Variants in CLASP1 observed in about 807,000 individuals in gnomAD.
CLASP1 encodes CLIP-associating protein 1.
CLASP1 carries 38 observed loss-of-function variants against 192.3 expected under a neutral mutation model. That is an observed-to-expected ratio of 0.20 (90% CI 0.15 to 0.26). The LOEUF (loss-of-function observed/expected upper bound fraction) is 0.26, where lower values mean the gene tolerates loss of function less well. Among genes scored for constraint, CLASP1 ranks in the 10% least tolerant of loss-of-function variants. The pLI, the probability that CLASP1 is intolerant of heterozygous loss-of-function variation, is 1.00. For synonymous variants in CLASP1, 691 were observed against 712.8 expected, an observed-to-expected ratio of 0.97 and a Z score of 0.49; for missense variants, 1,433 against 1,932.5, an observed-to-expected ratio of 0.74 and a Z score of 4.85.
intron 24 of CLASP1, among the ~76,000 whole-genome samples, chr2:121,408,412 A>G (rs973836901): frequency 6.6e-6 from 1 of 152,170 alleles, no homozygotes; most frequent in African/African-American, 2.4e-5. Context: ...AGACTATAAT[A>G]CCCACTTTAT....
intron 19 of CLASP1, among the ~76,000 whole-genome samples, chr2:121,441,134 G>A (rs1004392997): frequency 1.3e-5 from 2 of 152,132 alleles, no homozygotes; most frequent in South Asian, 2.1e-4. Context: ...CTATCTTCTT[G>A]TTAGGCAAAT....
At chr2:121,391,690 G>C (rs2149405043) in intron 30 of CLASP1, among the ~76,000 whole-genome samples, 1 of 152,284 alleles carries the variant, frequency 6.6e-6, no homozygotes, top group East Asian at 1.9e-4. Context: ...ATCAACTGAG[G>C]TCAGGAGTTT....
chr2:121,365,035 A>G, intron 36 of CLASP1, 59 bp downstream of exon 37: 1 of 1,490,868 alleles, frequency 6.7e-7, no homozygotes, highest in Non-Finnish European at 9.3e-7. Flanking sequence ...CAATAAGAAA[A>G]GGACATCGTG....
intron 2 of CLASP1, among the ~76,000 whole-genome samples, chr2:121,577,169 G>C (rs2060604290): frequency 6.6e-6 from 1 of 151,934 alleles, no homozygotes; most frequent in African/African-American, 2.4e-5. Context: ...TGTTGAAGCT[G>C]GATGATGAGT....
chr2:121,433,058 A>G (rs2081708838), intron 19 of CLASP1, among the ~76,000 whole-genome samples: 1 of 152,216 alleles, frequency 6.6e-6, no homozygotes, highest in African/African-American at 2.4e-5. Context: ...GCGGTGGCTC[A>G]TGCCTGTAAT....
rs1366955114 is a variant in CLASP1, at chr2:121,392,507, T to TGCA, written c.3124-4604_3124-4602dup. ...ATAGAGATAGGACTCTTCCTGTGGC[T>TGCA]GCAAGCAATCCTCCTGCCTCAGCCT... On this transcript the variant is annotated intron_variant, in intron 30 of 39. Transcript: ENST00000263710. Among the ~76,000 whole-genome samples the TGCA allele has an allele frequency of 2.6e-5, 4 of 152,196 alleles. No individual in the cohort carries two copies. The East Asian group carries it at 7.7e-4, about 29-fold the overall frequency.
rs201261432 is a variant in CLASP1 at position 121,510,259 on chromosome 2, GAAGT to G, written c.644+5402_644+5405del. Among the ~76,000 whole-genome samples the G allele has an allele frequency of 7.2e-3, 1,099 of 152,234 alleles. 43 individuals are homozygous for G. Among genetic ancestry groups the G allele is most frequent in the Admixed American group, 0.062 (952 of 15,296 alleles). ...GAAAACAGAAAAATCAATGAAACCA[GAAGT>G]TAGTTCTTTGAAAAGGCAAAAACTG... On this transcript the variant is annotated intron_variant, in intron 7 of 39. Coordinates refer to ENST00000263710, the Ensembl canonical transcript of CLASP1.
intron 2 of CLASP1, among the ~76,000 whole-genome samples, chr2:121,531,246 T>C (rs970722990): frequency 2.6e-5 from 4 of 152,138 alleles, no homozygotes; most frequent in African/African-American, 9.7e-5. Context: ...AGCCCAGTAG[T>C]CTAGGTCAAG....
In CLASP1 at chr2:121,384,679, G is replaced by A. The variant is rs529855352; in HGVS notation, c.3375-2355C>T. Among the ~76,000 whole-genome samples, 15 of 152,144 alleles carry A rather than the reference G, an allele frequency of 9.9e-5. No homozygotes were observed. In the East Asian group the frequency reaches 1.5e-3, roughly 16 times the overall value. On this transcript the variant is annotated intron_variant, in intron 32 of 39. Transcript: ENST00000263710. ...AGCATGTTGGGAGGCAGAGGTGGGC[G>A]GATCACCTGACATCAGGAGTTCGAG... is the stretch of plus-strand genomic sequence containing the variant.
chr2:121,387,091 A>T, intron 32 of CLASP1, 31 bp downstream of exon 33: 1 of 1,554,834 alleles, frequency 6.4e-7, no homozygotes. Flanking sequence ...TAGTTTCTTT[A>T]CATCTGTGGA....
chr2:121,460,078 A>G (rs773599799), exon 12 of CLASP1: 2 of 1,613,658 alleles, frequency 1.2e-6, no homozygotes, highest in Non-Finnish European at 1.7e-6. Flanking sequence ...GAAAGAAGTT[A>G]TCATACTCAG....
chr2:121,458,190 T>A (rs922908783), intron 13 of CLASP1, among the ~76,000 whole-genome samples: 2 of 152,144 alleles, frequency 1.3e-5, no homozygotes, highest in Non-Finnish European at 2.9e-5. Flanking sequence ...TAACCAATAA[T>A]CAAGAATATT....
intron 6 of CLASP1, among the ~76,000 whole-genome samples, chr2:121,518,138 G>A (rs1336338112): frequency 1.3e-5 from 2 of 148,332 alleles, no homozygotes; most frequent in Non-Finnish European, 3.0e-5. Context: ...GGCTGAGGTA[G>A]GAGAATCACT....
intron 38 of CLASP1, 95 bp downstream of exon 39, chr2:121,348,417 C>T: frequency 8.7e-7 from 1 of 1,154,622 alleles, no homozygotes; most frequent in Non-Finnish European, 1.2e-6. Flanking sequence ...CTACCCGTCC[C>T]TGCCAGTGAA....
chr2:121,429,929 C>T, intron 20 of CLASP1, 144 bp downstream of exon 20: 2 of 614,362 alleles, frequency 3.3e-6, no homozygotes, highest in South Asian at 4.3e-5. Flanking sequence ...ACCCAACAAA[C>T]AGTAAGATTA....
At chr2:121,542,219 G>A (rs1324419166) in intron 2 of CLASP1, among the ~76,000 whole-genome samples, 1 of 152,146 alleles carries the variant, frequency 6.6e-6, no homozygotes, top group Non-Finnish European at 1.5e-5. Context: ...AAACGATGAT[G>A]GATGCACACT....
chr2:121,542,280 G>A (rs1246992220), intron 2 of CLASP1, among the ~76,000 whole-genome samples: 2 of 152,180 alleles, frequency 1.3e-5, no homozygotes, highest in East Asian at 1.9e-4. Context: ...AACATTTGCT[G>A]AGTCAAAAAG....
intron 30 of CLASP1, among the ~76,000 whole-genome samples, chr2:121,393,259 C>T (rs1216401214): frequency 1.3e-5 from 2 of 152,010 alleles, no homozygotes; most frequent in Non-Finnish European, 1.5e-5. Flanking sequence ...TTTGGAATAC[C>T]TACCCTAAAA....
rs950374530 is a variant in CLASP1 at position 121,387,240 on chromosome 2, C to T, written c.3268-12G>A. On this transcript the variant is annotated splice_polypyrimidine_tract_variant and intron_variant, in intron 31 of 39. Coordinates refer to ENST00000263710, the Ensembl canonical transcript of CLASP1. ...TTGCTTGGAGAGCCCTGGGGTGAAG[C>T]AGAATAGGCATCGTTATTCAAGGGC... is the stretch of plus-strand genomic sequence containing the variant. 40 of 1,543,082 alleles carry T rather than the reference C, an allele frequency of 2.6e-5. No individual in the cohort carries two copies. The highest frequency in any genetic ancestry group is 3.1e-5 in the Non-Finnish European group (36 of 1,144,604).
Sources: gnomAD v4.1 joint callset for allele counts (sites outside exome capture counted in the v4.1 genomes callset) on GRCh38, gnomAD v4.1.1 for gene constraint, MANE v1.5 for transcripts, NCBI Gene and HGNC (gene_info 2026-07-23, HGNC 2026-07-21) for gene names.